Variants in RNF111 observed in about 807,000 individuals in gnomAD.
RNF111 encodes E3 ubiquitin-protein ligase Arkadia.
In RNF111, 17 loss-of-function variants were observed where a neutral mutation model predicts 95.1. The ratio of observed to expected loss-of-function variants is 0.18; its 90% CI spans 0.12 to 0.27. RNF111 has a LOEUF of 0.27. RNF111 is among the 10% of genes least tolerant of loss of function. The probability of loss-of-function intolerance (pLI) is 1.00; values close to 1 mark genes in which losing one functional copy is unlikely to be tolerated. For missense variants in RNF111, 1,189 were observed against 1,210.4 expected (o/e 0.98, Z 0.26); for synonymous variants, 440 against 414.8 (o/e 1.06, Z -0.74).
At chr15:59,052,846 A>G (rs1237779492) in intron 3 of RNF111, among the ~76,000 whole-genome samples, 1 of 152,216 alleles carries the variant, frequency 6.6e-6, no homozygotes, top group Non-Finnish European at 1.5e-5. Flanking sequence ...AAGCACCCCA[A>G]GTATACAATG....
chr15:59,017,849 C>G (rs2040144233), intron 1 of RNF111, among the ~76,000 whole-genome samples: 1 of 150,994 alleles, frequency 6.6e-6, no homozygotes, highest in Non-Finnish European at 1.5e-5. Flanking sequence ...CCTCCACTTC[C>G]TGGGTTCAAA....
At chr15:59,035,317 A>G (rs562367531) in intron 2 of RNF111, among the ~76,000 whole-genome samples, 2 of 152,176 alleles carry the variant, frequency 1.3e-5, no homozygotes, top group African/African-American at 2.4e-5. Context: ...TTCAAAACCA[A>G]TCATGCCTTC....
chr15:59,027,948 C>T (rs944348986), intron 1 of RNF111, among the ~76,000 whole-genome samples: 4 of 151,756 alleles, frequency 2.6e-5, no homozygotes, highest in Non-Finnish European at 5.9e-5. Context: ...GCCTCAGCCT[C>T]CTGAGTAGCT....
At chr15:59,003,514 T>G (rs1404954889) in intron 1 of RNF111, among the ~76,000 whole-genome samples, 1 of 151,988 alleles carries the variant, frequency 6.6e-6, no homozygotes, top group African/African-American at 2.4e-5. Context: ...TCCTCCCACC[T>G]CAGCCTCTCC....
intron 2 of RNF111, among the ~76,000 whole-genome samples, chr15:59,039,315 T>A (rs2041335857): frequency 6.6e-6 from 1 of 152,188 alleles, no homozygotes; most frequent in African/African-American, 2.4e-5. Flanking sequence ...GAGGTTCTTC[T>A]ATAAAGGAAG....
rs571759369 is a variant in RNF111 at position 59,008,612 on chromosome 15, C to T, written c.-20+20544C>T. Among the ~76,000 whole-genome samples, 4 of 152,294 alleles carry T rather than the reference C, an allele frequency of 2.6e-5. No homozygotes were observed. The East Asian group carries it at 7.7e-4, about 29-fold the overall frequency. On this transcript the variant is annotated intron_variant, in intron 1 of 13. Transcript: ENST00000348370. ...TGATATATTTAAGTCTGTTTCTGGA[C>T]TCTCTAGTCTGTCCTTACACCAATA... is the stretch of plus-strand genomic sequence containing the variant.
intron 6 of RNF111, among the ~76,000 whole-genome samples, chr15:59,074,360 C>T (rs899096864): frequency 6.6e-5 from 10 of 152,156 alleles, no homozygotes; most frequent in South Asian, 6.2e-4. Context: ...GCTGTTTTGT[C>T]GACATGGAAA....
intron 6 of RNF111, among the ~76,000 whole-genome samples, chr15:59,072,035 C>T (rs1380399334): frequency 6.6e-6 from 1 of 152,132 alleles, no homozygotes; most frequent in Admixed American, 6.5e-5. Context: ...CCTTATTGTA[C>T]ATGTTTCAGT....
intron 1 of RNF111, among the ~76,000 whole-genome samples, chr15:59,001,482 G>C (rs2039321402): frequency 6.6e-6 from 1 of 152,058 alleles, no homozygotes. Flanking sequence ...AGGGAGATTT[G>C]AAATAAAGGT....
intron 2 of RNF111, among the ~76,000 whole-genome samples, chr15:59,033,137 G>A (rs1410206833): frequency 1.3e-5 from 2 of 152,168 alleles, no homozygotes; most frequent in East Asian, 3.8e-4. Flanking sequence ...TTTCTAAAGG[G>A]CTAGCTAGGT....
chr15:59,004,105 T>C (rs1358197687), intron 1 of RNF111: 2 of 1,126,754 alleles, frequency 1.8e-6, no homozygotes, highest in Middle Eastern at 2.4e-4. Flanking sequence ...CTTGGATTTA[T>C]TTATTTTATT....
rs1375049056 is a variant in RNF111, at chr15:59,052,409, G to T, written c.985G>T (p.Val329Leu). Reference sequence around the variant, plus strand: ...CTCAACTGACAGTGAAGTGGAGATTGTAACAGTTGGAGAAAGCTATCGGTG... The same window carrying T: ...CTCAACTGACAGTGAAGTGGAGATTTTAACAGTTGGAGAAAGCTATCGGTG... ...VTSTDSEVEI[V>L]TVGESYRSRS... The change falls in exon 3 of 14, where the codon GTA becomes TTA. Residue 329 changes from valine to leucine, a missense_variant. Coordinates refer to ENST00000348370, the MANE Select transcript of RNF111 (RefSeq NM_017610.8). 3.8e-6 allele frequency: 6 copies of T among 1,588,190 alleles called. No individual in the cohort carries two copies. In the Admixed American group the frequency reaches 5.5e-5, roughly 15 times the overall value.
chr15:59,066,770 CAAG>C lies in RNF111; in HGVS notation c.1374_1376del (p.Arg460del), dbSNP rs766366289. 31 of 1,611,954 alleles carry C rather than the reference CAAG, an allele frequency of 1.9e-5. No homozygotes were observed. In the African/African-American group the frequency reaches 3.5e-4, roughly 18 times the overall value. On this transcript the variant is annotated inframe_deletion, in exon 6 of 14. Coordinates refer to ENST00000348370, the MANE Select transcript of RNF111 (RefSeq NM_017610.8). Reference sequence around the variant, plus strand: ...CATTTTTTTCTGTTTCAAGATGACTCAAGGAGAACTACATCTAGTGCTGTAACG... The same window carrying C: ...CATTTTTTTCTGTTTCAAGATGACTCGAGAACTACATCTAGTGCTGTAACG...
rs1002499629 is a variant in RNF111, at chr15:59,081,187, C to T, written c.2200C>T (p.His734Tyr). The change falls in exon 8 of 14, where the codon CAT (histidine) becomes TAT (tyrosine). Residue 734 changes from histidine to tyrosine, a missense_variant. Coordinates refer to ENST00000348370, the MANE Select transcript of RNF111 (RefSeq NM_017610.8). ...LPPTHQPISH[H>Y]IPATAPPAQR... ...TCCTACACACCAGCCAATTTCGCACCATATTCCAGCCACAGCACCTCCAGC... is the reference window on the plus strand; with the variant it reads ...TCCTACACACCAGCCAATTTCGCACTATATTCCAGCCACAGCACCTCCAGC... The T allele has an allele frequency of 6.2e-7, 1 of 1,614,206 alleles. No homozygotes were observed. Among genetic ancestry groups the T allele is most frequent in the Non-Finnish European group, 8.5e-7 (1 of 1,180,034 alleles).
chr15:59,080,223 C>T (rs1443435897), intron 7 of RNF111, among the ~76,000 whole-genome samples: 4 of 148,012 alleles, frequency 2.7e-5, no homozygotes, highest in African/African-American at 7.5e-5. Flanking sequence ...CAGGTTCAAG[C>T]GATTCTCCTG....
chr15:59,032,215 A>G (rs867020158), intron 2 of RNF111, among the ~76,000 whole-genome samples: 1 of 152,328 alleles, frequency 6.6e-6, no homozygotes, highest in African/African-American at 2.4e-5. Flanking sequence ...ATGGGATTAC[A>G]GGCATGAGCC....
chr15:59,019,057 G>A (rs1190500675), intron 1 of RNF111, among the ~76,000 whole-genome samples: 2 of 151,330 alleles, frequency 1.3e-5, no homozygotes, highest in African/African-American at 4.9e-5. Flanking sequence ...CCGTGTAGGT[G>A]AGACTTCAGG....
chr15:59,021,456 C>A (rs571404853), intron 1 of RNF111, among the ~76,000 whole-genome samples: 1 of 151,928 alleles, frequency 6.6e-6, no homozygotes, highest in Admixed American at 6.5e-5. Context: ...TGGCCTATGC[C>A]CTTCTGGATC....
chr15:59,046,616 A>G (rs2041722566), intron 2 of RNF111, among the ~76,000 whole-genome samples: 1 of 152,224 alleles, frequency 6.6e-6, no homozygotes. Flanking sequence ...ACTAAATGAT[A>G]CAAGTTCTAG....
Sources: allele counts gnomAD v4.1 joint callset (sites outside exome capture counted in the v4.1 genomes callset), GRCh38; gene constraint gnomAD v4.1.1; transcripts MANE v1.5; gene names NCBI Gene and HGNC (gene_info 2026-07-23, HGNC 2026-07-21).